STS: variants seen among roughly 807,000 people sequenced by gnomAD.
The protein encoded by STS is steroid sulfatase, also known as steryl-sulfatase.
A neutral mutation model predicts 26.8 loss-of-function variants in STS; 7 were observed. That is an observed-to-expected ratio of 0.26 (90% CI 0.15 to 0.49). The LOEUF is 0.49. Ranked by LOEUF, STS falls within the 20% of genes least tolerant of loss-of-function variation. The probability of loss-of-function intolerance (pLI) is 0.98; values close to 1 mark genes in which losing one functional copy is unlikely to be tolerated. For missense variants in STS, 434 were observed against 465.6 expected, an observed-to-expected ratio of 0.93 and a Z score of 0.63; for synonymous variants, 199 against 189.4, an observed-to-expected ratio of 1.05 and a Z score of -0.42.
intron 1 of STS, among the ~76,000 whole-genome samples, chrX:7,161,081 G>A (rs930201392): frequency 7.3e-5 from 8 of 110,042 alleles, no homozygotes; most frequent in African/African-American, 2.0e-4. Flanking sequence ...TCAGCCTCCC[G>A]AGTAGCTAGG....
chrX:7,270,018 T>A (rs1924193572), intron 6 of STS, among the ~76,000 whole-genome samples: 1 of 112,147 alleles, frequency 8.9e-6, no homozygotes, highest in African/African-American at 3.2e-5. Context: ...GAATTTTCAC[T>A]CCTGCCTCTA....
At chrX:7,327,746 T>C (rs1927549209) in intron 9 of STS, among the ~76,000 whole-genome samples, 1 of 111,237 alleles carries the variant, frequency 9.0e-6, no homozygotes, top group African/African-American at 3.3e-5. Flanking sequence ...CTTCACTCCT[T>C]CTCTGGAAAA....
chrX:7,269,009 G>C (rs1177389696), intron 6 of STS, among the ~76,000 whole-genome samples: 1 of 106,977 alleles, frequency 9.3e-6, no homozygotes, highest in Non-Finnish European at 1.9e-5. Flanking sequence ...GTATTAGCTC[G>C]GCATGGTCGT....
At chrX:7,214,966 ATATATG>A (rs1921193565) in intron 2 of STS, among the ~76,000 whole-genome samples, 2 of 68,592 alleles carry the variant, frequency 2.9e-5, no homozygotes, top group Admixed American at 3.8e-4. Context: ...TATATATATT[ATATATG>A]TATATATACA....
intron 2 of STS, among the ~76,000 whole-genome samples, chrX:7,240,426 A>T (rs1483767523): frequency 9.8e-6 from 1 of 102,132 alleles, no homozygotes; most frequent in Non-Finnish European, 2.0e-5. Flanking sequence ...ACCACAAAGC[A>T]TAGAAAATGG....
At chrX:7,216,302 G>A (rs1370975455) in intron 2 of STS, among the ~76,000 whole-genome samples, 1 of 111,333 alleles carries the variant, frequency 9.0e-6, no homozygotes, top group Non-Finnish European at 1.9e-5. Flanking sequence ...TAGTCTTTAG[G>A]GGGTCTCCCA....
intron 10 of STS, among the ~76,000 whole-genome samples, chrX:7,339,429 A>G (rs1928183356): frequency 8.9e-6 from 1 of 112,621 alleles, no homozygotes; most frequent in East Asian, 2.8e-4. Context: ...ATATATGTAA[A>G]CCATTTCAAG....
chrX:7,275,812 G>A, intron 6 of STS, 139 bp from the exon 7 acceptor site: 1 of 720,121 alleles, frequency 1.4e-6, no homozygotes, highest in Non-Finnish European at 2.0e-6. Flanking sequence ...TACCATATTA[G>A]GCAATTAACT....
chrX:7,279,331 GTGTGTGTA>G lies in STS; in HGVS notation c.943+3252_943+3259del, dbSNP rs1163799461. 5.0e-3 allele frequency among the ~76,000 whole-genome samples: 419 copies of G among 84,320 alleles called. 5 individuals are homozygous for G. Among genetic ancestry groups the G allele is most frequent in the African/African-American group, 0.018 (381 of 20,794 alleles). The allele number at this position is 84,320 out of a possible 115,157, so 73.2% of individuals were successfully genotyped here. ...TATATATGTGTGTGTGTGTGTGTGTGTGTGTGTATGTGTGTGTGTGTGTGTGTATATGT... is the reference window on the plus strand; with the variant it reads ...TATATATGTGTGTGTGTGTGTGTGTGTGTGTGTGTGTGTGTGTGTATATGT... On this transcript the variant is annotated intron_variant, in intron 7 of 10. Coordinates refer to ENST00000674429, the MANE Select transcript of STS (RefSeq NM_001320752.2).
At chrX:7,324,838 C>A (rs757821481) in intron 8 of STS, among the ~76,000 whole-genome samples, 1 of 111,678 alleles carries the variant, frequency 9.0e-6, no homozygotes, top group Non-Finnish European at 1.9e-5. Flanking sequence ...ATATTAGATC[C>A]ACTCAGACAA....
chrX:7,341,664 G>C (rs1190742880), intron 10 of STS, among the ~76,000 whole-genome samples: 1 of 111,870 alleles, frequency 8.9e-6, no homozygotes, highest in African/African-American at 3.3e-5. Context: ...TTTCAGGCAG[G>C]ATGCTCCGGG....
chrX:7,186,586 G>A (rs1250686531), intron 1 of STS, among the ~76,000 whole-genome samples: 3 of 111,526 alleles, frequency 2.7e-5, no homozygotes, highest in Admixed American at 1.9e-4. Context: ...TTGATTGGGC[G>A]AACATCTGGT....
intron 7 of STS, among the ~76,000 whole-genome samples, chrX:7,296,711 A>G (rs1444248813): frequency 8.9e-6 from 1 of 112,555 alleles, no homozygotes; most frequent in Non-Finnish European, 1.9e-5. Flanking sequence ...AGCAAATGCA[A>G]CACCCTGGAA....
chrX:7,240,368 A>G (rs1432959419), intron 2 of STS, among the ~76,000 whole-genome samples: 5 of 105,728 alleles, frequency 4.7e-5, no homozygotes, highest in Non-Finnish European at 9.7e-5. Flanking sequence ...CTTTTATCCT[A>G]TTGTGTTCAA....
At chrX:7,240,549 A>ATG (rs1922565933) in intron 2 of STS, among the ~76,000 whole-genome samples, 1 of 92,119 alleles carries the variant, frequency 1.1e-5, no homozygotes, top group Non-Finnish European at 2.1e-5. Flanking sequence ...ATATATATAT[A>ATG]TATAAAATGG....
At chrX:7,170,673 A>G (rs779135560) in intron 1 of STS, among the ~76,000 whole-genome samples, 9 of 110,449 alleles carry the variant, frequency 8.1e-5, no homozygotes, top group Admixed American at 3.9e-4. Flanking sequence ...TTTTGTAGAA[A>G]TGGGGTCTCA....
intron 7 of STS, among the ~76,000 whole-genome samples, chrX:7,279,721 A>G (rs1480711924): frequency 9.1e-6 from 1 of 110,214 alleles, no homozygotes; most frequent in African/African-American, 3.3e-5. Flanking sequence ...TTAGGTAGAT[A>G]AAAGAACTTC....
intron 2 of STS, among the ~76,000 whole-genome samples, chrX:7,249,443 C>T (rs1238246052): frequency 1.8e-5 from 2 of 111,563 alleles, no homozygotes; most frequent in Non-Finnish European, 3.8e-5. Context: ...TTATCATCAG[C>T]CACCAGTGGT....
intron 3 of STS, among the ~76,000 whole-genome samples, chrX:7,255,440 T>C: frequency 8.9e-6 from 1 of 111,886 alleles, no homozygotes; most frequent in Non-Finnish European, 1.9e-5. Context: ...TCCTAAGATA[T>C]ATTGAGATAG....
Sources: allele counts gnomAD v4.1 joint callset (sites outside exome capture counted in the v4.1 genomes callset), GRCh38; gene constraint gnomAD v4.1.1; transcripts MANE v1.5; gene names NCBI Gene and HGNC (gene_info 2026-07-23, HGNC 2026-07-21).